Variants in FBXL20 observed in about 807,000 individuals in gnomAD.
FBXL20 encodes F-box and leucine rich repeat protein 20.
A neutral mutation model predicts 64.0 loss-of-function variants in FBXL20; 11 were observed. That is an observed-to-expected ratio of 0.17 (90% CI 0.11 to 0.28). The LOEUF (loss-of-function observed/expected upper bound fraction) is 0.28. Ranked by LOEUF, FBXL20 falls within the 10% of genes least tolerant of loss-of-function variation. FBXL20 has a pLI of 1.00. For missense variants in FBXL20, 303 were observed against 526.2 expected (o/e 0.58, Z 4.15); for synonymous variants, 184 against 189.0 (o/e 0.97, Z 0.22).
intron 2 of FBXL20, among the ~76,000 whole-genome samples, chr17:39,321,936 A>T (rs2047360355): frequency 6.6e-6 from 1 of 152,154 alleles, no homozygotes; most frequent in Non-Finnish European, 1.5e-5. Context: ...GGTAATTCTA[A>T]GATAAATACT....
At chr17:39,283,901 CAGAA>C (rs1283293241) in intron 7 of FBXL20, among the ~76,000 whole-genome samples, 1 of 143,918 alleles carries the variant, frequency 6.9e-6, no homozygotes, top group Non-Finnish European at 1.5e-5. Flanking sequence ...AGAAAAGATC[CAGAA>C]GATAAAGCCA....
chr17:39,337,197 G>A (rs1480215171), intron 2 of FBXL20, among the ~76,000 whole-genome samples: 4 of 152,270 alleles, frequency 2.6e-5, no homozygotes, highest in East Asian at 1.9e-4. Context: ...TGTGTTGGCC[G>A]GGCTGGTCTC....
intron 1 of FBXL20, among the ~76,000 whole-genome samples, chr17:39,376,536 C>T (rs1418109447): frequency 6.6e-6 from 1 of 152,146 alleles, no homozygotes; most frequent in Non-Finnish European, 1.5e-5. Flanking sequence ...GAGTTCTCAC[C>T]TCTGGTTGAT....
chr17:39,323,929 CTAT>C (rs1169523046), intron 2 of FBXL20, among the ~76,000 whole-genome samples: 2 of 150,032 alleles, frequency 1.3e-5, no homozygotes, highest in Admixed American at 6.6e-5. Context: ...CCACGCCTGG[CTAT>C]TTTTTGTATT....
Position 39,285,432 on chromosome 17 carries a change from T to C in FBXL20, c.494+46A>G, listed in dbSNP as rs747608150. On this transcript the variant is annotated intron_variant, in intron 7 of 14. Coordinates refer to ENST00000264658, the MANE Select transcript of FBXL20 (RefSeq NM_032875.3). Reference sequence around the variant, plus strand: ...TTATATCAATTATTTTTTTAAAATATGTATTTTTTTTTGATTACTTGACAT... The same window carrying C: ...TTATATCAATTATTTTTTTAAAATACGTATTTTTTTTTGATTACTTGACAT... The C allele has an allele frequency of 8.5e-6, 11 of 1,297,202 alleles. No individual in the cohort carries two copies. In the African/African-American group the frequency reaches 9.1e-5, roughly 11 times the overall value. 80.4% of individuals were successfully genotyped at this position (1,297,202 alleles called of 1,614,324 possible).
chr17:39,399,215 A>G (rs2048217067), intron 1 of FBXL20, among the ~76,000 whole-genome samples: 1 of 123,638 alleles, frequency 8.1e-6, no homozygotes. Flanking sequence ...AAAATTCTCA[A>G]TGAGATCTGC....
chr17:39,364,453 AC>A (rs1309694449), intron 1 of FBXL20, among the ~76,000 whole-genome samples: 1 of 152,052 alleles, frequency 6.6e-6, no homozygotes, highest in African/African-American at 2.4e-5. Flanking sequence ...AAAAACAACA[AC>A]AAAAATTATC....
At chr17:39,264,830 T>C (rs1469664335) in intron 13 of FBXL20, among the ~76,000 whole-genome samples, 4 of 152,194 alleles carry the variant, frequency 2.6e-5, no homozygotes, top group African/African-American at 9.6e-5. Flanking sequence ...GGTGTGATCA[T>C]CTCATCATCT....
Position 39,401,346 on chromosome 17 carries a change from C to G in FBXL20, c.42+15G>C. ...CCCGCCCTCCTCACGCCGCCCGAGC[C>G]CCCCAAGCTCACACCTCAAACCTGC... On this transcript the variant is annotated intron_variant, in intron 1 of 14. Coordinates refer to ENST00000264658, the MANE Select transcript of FBXL20 (RefSeq NM_032875.3). The G allele has an allele frequency of 6.2e-7, 1 of 1,612,928 alleles. No individual in the cohort carries two copies. Among genetic ancestry groups the G allele is most frequent in the Non-Finnish European group, 8.5e-7 (1 of 1,179,556 alleles).
chr17:39,370,229 G>A (rs1031860361), intron 1 of FBXL20, among the ~76,000 whole-genome samples: 5 of 151,620 alleles, frequency 3.3e-5, no homozygotes, highest in Admixed American at 3.3e-4. Context: ...TATGCCTCAC[G>A]CCTGTAATCC....
upstream of FBXL20, chr17:39,401,789 GC>G (rs950152326): frequency 3.3e-5 from 32 of 957,188 alleles, no homozygotes; most frequent in Middle Eastern, 4.3e-4. Flanking sequence ...CCCACACGGG[GC>G]CGGCCCTGAC....
intron 1 of FBXL20, among the ~76,000 whole-genome samples, chr17:39,374,119 G>A (rs1281823355): frequency 2.3e-5 from 3 of 128,450 alleles, no homozygotes; most frequent in Non-Finnish European, 5.0e-5. Context: ...CAGCTACTCA[G>A]GAGGCTAAGG....
At position 39,255,145 on chromosome 17, in the gene FBXL20, T is replaced by G. The variant is rs114048292; in HGVS notation, c.*6315A>C. 2 of 152,162 alleles carry G rather than the reference T, an allele frequency of 1.3e-5. No homozygotes were observed. Among genetic ancestry groups the G allele is most frequent in the Non-Finnish European group, 2.9e-5 (2 of 68,086 alleles). The allele number at this position is 152,162 out of a possible 1,614,324, so 9.4% of individuals were successfully genotyped here. A position where few individuals can be genotyped will look rare whatever the true frequency, so the allele number is the denominator to read the frequency against. On this transcript the variant is annotated 3_prime_UTR_variant, in exon 15 of 15. Coordinates refer to ENST00000264658, the MANE Select transcript of FBXL20 (RefSeq NM_032875.3). ...ACTGAATTGATGCGTCTAAAAAAAATAGATACAACGGGCCGGGCGCGGTGG... is the reference window on the plus strand; with the variant it reads ...ACTGAATTGATGCGTCTAAAAAAAAGAGATACAACGGGCCGGGCGCGGTGG...
intron 1 of FBXL20, among the ~76,000 whole-genome samples, chr17:39,349,953 A>G (rs944310506): frequency 6.6e-6 from 1 of 150,450 alleles, no homozygotes; most frequent in African/African-American, 2.4e-5. Context: ...AAAAAAAAAG[A>G]TGCAGTCAAA....
intron 8 of FBXL20, 30 bp downstream of exon 8, chr17:39,282,699 G>A (rs368889265): frequency 8.1e-6 from 13 of 1,613,588 alleles, no homozygotes; most frequent in Admixed American, 1.7e-5. Context: ...CGATTCTTCC[G>A]AATTTCACGA....
chr17:39,261,765 G>A (rs2046747591), intron 14 of FBXL20, among the ~76,000 whole-genome samples, 198 bp from the exon 15 acceptor site: 1 of 151,898 alleles, frequency 6.6e-6, no homozygotes, highest in South Asian at 2.1e-4. Flanking sequence ...CAACTCATAT[G>A]ACTTTGGTAC....
rs1465168118 is a variant in FBXL20 at position 39,269,183 on chromosome 17, GTATTTCTTTTC to G, written c.889-323_889-313del. 4.0e-5 allele frequency among the ~76,000 whole-genome samples: 6 copies of G among 151,022 alleles called. No homozygotes were observed. In the East Asian group the frequency reaches 1.2e-3, roughly 29 times the overall value. On this transcript the variant is annotated intron_variant, in intron 11 of 14. Coordinates refer to ENST00000264658, the MANE Select transcript of FBXL20 (RefSeq NM_032875.3). ...GTGCCACCACACCTGGCTAATTTTT[GTATTTCTTTTC>G]TTTTTTTTTTCTTTTTGAGATGGAG...
chr17:39,264,492 GA>G, intron 13 of FBXL20, 105 bp from the exon 14 acceptor site: 1 of 1,243,766 alleles, frequency 8.0e-7, no homozygotes, highest in Non-Finnish European at 1.1e-6. Context: ...TGATTTTGAT[GA>G]ATATGGAGCT....
chr17:39,270,982 C>A, intron 10 of FBXL20, 126 bp from the exon 11 acceptor site: 1 of 728,974 alleles, frequency 1.4e-6, no homozygotes, highest in Non-Finnish European at 2.2e-6. Flanking sequence ...TATAGAATGA[C>A]ATTAACAACT....
Sources: gnomAD v4.1 joint callset for allele counts (sites outside exome capture counted in the v4.1 genomes callset) on GRCh38, gnomAD v4.1.1 for gene constraint, MANE v1.5 for transcripts, NCBI Gene and HGNC (gene_info 2026-07-23, HGNC 2026-07-21) for gene names.